TDRKH: variants seen among roughly 807,000 people sequenced by gnomAD.
TDRKH encodes tudor and KH domain-containing protein.
TDRKH carries 28 observed loss-of-function variants against 61.3 expected under a neutral mutation model. The ratio of observed to expected loss-of-function variants is 0.46; its 90% CI spans 0.34 to 0.63. The LOEUF is 0.63. TDRKH is among the 20% of genes least tolerant of loss of function. The pLI is 0.01. For synonymous variants in TDRKH, 219 were observed against 244.4 expected (o/e 0.90, Z 0.97); for missense variants, 540 against 683.4 (o/e 0.79, Z 2.34).
At chr1:151,777,758 C>T (rs1390827793) in intron 6 of TDRKH, among the ~76,000 whole-genome samples, 1 of 137,356 alleles carries the variant, frequency 7.3e-6, no homozygotes, top group Non-Finnish European at 1.5e-5. Flanking sequence ...CTCACTGTCA[C>T]CCAGGCTGGA....
downstream of TDRKH, chr1:151,767,095 G>A: frequency 6.3e-7 from 1 of 1,585,604 alleles, no homozygotes; most frequent in Non-Finnish European, 8.6e-7. Flanking sequence ...TCATGCCAGA[G>A]CCTGGTACTG....
intron 6 of TDRKH, 137 bp from the exon 7 acceptor site, chr1:151,776,736 T>A: frequency 1.1e-6 from 1 of 943,236 alleles, no homozygotes; most frequent in Non-Finnish European, 1.6e-6. Flanking sequence ...ACTGGATGAA[T>A]CAAACAAGAA....
downstream of TDRKH, among the ~76,000 whole-genome samples, chr1:151,773,169 C>G (rs754718443): frequency 6.6e-6 from 1 of 152,038 alleles, no homozygotes; most frequent in Non-Finnish European, 1.5e-5. Flanking sequence ...CAGCCTCCCA[C>G]GCAGCTGGGA....
intron 12 of TDRKH, 101 bp from the exon 13 acceptor site, chr1:151,774,605 G>T: frequency 6.4e-7 from 1 of 1,573,472 alleles, no homozygotes; most frequent in South Asian, 1.1e-5. Flanking sequence ...GGTACTCAAT[G>T]ACCTGACTAG....
chr1:151,790,119 CA>C lies in TDRKH; in HGVS notation c.-28+260del, dbSNP rs762833303. On this transcript the variant is annotated intron_variant, in intron 1 of 12. Transcript: ENST00000368824. Reference sequence around the variant, plus strand: ...TGGAAGAGTCTGAACTGACTCAGGGCAAACACAAACGCTCCCGCACCGGGTC... The same window carrying C: ...TGGAAGAGTCTGAACTGACTCAGGGCAACACAAACGCTCCCGCACCGGGTC... Among the ~76,000 whole-genome samples, 133 of 152,340 alleles carry C rather than the reference CA, an allele frequency of 8.7e-4. 2 individuals are homozygous for C. In the East Asian group the frequency reaches 0.015, roughly 17 times the overall value.
At position 151,790,496 on chromosome 1, in the gene TDRKH, T is replaced by C. The variant is rs908863544; in HGVS notation, c.-144A>G. The stretch of plus-strand genomic sequence containing the variant: ...CCGCCTCCCACTCACACCACCACAG[T>C]GAGCCCCGCCGGCGGCGCTTCAGCC... On this transcript the variant is annotated 5_prime_UTR_variant, in exon 1 of 13. Coordinates refer to ENST00000368824, the MANE Select transcript of TDRKH (RefSeq NM_001083965.2). 6.6e-6 allele frequency: 1 copy of C among 152,494 alleles called. No homozygotes were observed. Among genetic ancestry groups the C allele is most frequent in the African/African-American group, 2.4e-5 (1 of 41,434 alleles). 9.4% of individuals were successfully genotyped at this position (152,494 alleles called of 1,614,324 possible).
rs1648920191 is a variant in TDRKH, at chr1:151,774,083, G to A, written c.*369C>T. 9.3e-6 allele frequency: 2 copies of A among 216,208 alleles called. No homozygotes were observed. Among genetic ancestry groups the A allele is most frequent in the South Asian group, 1.6e-4 (2 of 12,262 alleles). 13.4% of individuals were successfully genotyped at this position (216,208 alleles called of 1,614,324 possible). On this transcript the variant is annotated 3_prime_UTR_variant, in exon 13 of 13. Transcript: ENST00000368824. Reference sequence around the variant, plus strand: ...ATGGGGGAGACACACTTGTAGCGTGGTAGTCCAATTTTTTTGTAGTCTGAT... The same window carrying A: ...ATGGGGGAGACACACTTGTAGCGTGATAGTCCAATTTTTTTGTAGTCTGAT...
intron 2 of TDRKH, among the ~76,000 whole-genome samples, chr1:151,782,362 G>T (rs1345822661): frequency 6.6e-6 from 1 of 152,030 alleles, no homozygotes; most frequent in African/African-American, 2.4e-5. Context: ...CAGGAGAACT[G>T]CTTGAACTCG....
Position 151,775,173 on chromosome 1 carries a change from A to T in TDRKH, c.1435-7T>A. ...CTAGCCCAATATCAAGTTTCTGAGA[A>T]GAAAAATGAAAAGGGAATGATGTTC... On this transcript the variant is annotated splice_region_variant and splice_polypyrimidine_tract_variant and intron_variant, in intron 10 of 12. Coordinates refer to ENST00000368824, the MANE Select transcript of TDRKH (RefSeq NM_001083965.2). The T allele has an allele frequency of 6.2e-7, 1 of 1,613,964 alleles. No individual in the cohort carries two copies. The highest frequency in any genetic ancestry group is 8.5e-7 in the Non-Finnish European group (1 of 1,179,896).
At chr1:151,770,446 G>A, downstream of TDRKH, 1 of 760,284 alleles carries the variant, frequency 1.3e-6, no homozygotes, top group Non-Finnish European at 2.0e-6. Flanking sequence ...TGGACTCTGA[G>A]GAAGCCCCTG....
At chr1:151,780,467 C>T (rs6587618) in intron 3 of TDRKH, among the ~76,000 whole-genome samples, 152,235 of 152,366 alleles carry the variant, frequency 1, 76,052 homozygotes, top group Non-Finnish European at 1. Flanking sequence ...TCTTGACATT[C>T]CAGCTGAACA....
downstream of TDRKH, chr1:151,771,353 G>C (rs1045431029): frequency 1.1e-5 from 16 of 1,484,848 alleles, no homozygotes; most frequent in African/African-American, 2.8e-5. Context: ...GGTTTCTTGG[G>C]GGGGTGGGTA....
chr1:151,787,883 G>A (rs557258337), intron 1 of TDRKH, among the ~76,000 whole-genome samples: 1 of 151,242 alleles, frequency 6.6e-6, no homozygotes, highest in East Asian at 2.0e-4. Context: ...CAGCTACTCA[G>A]GAGGCCGAGG....
At chr1:151,769,859 G>A (rs1468689046), downstream of TDRKH, among the ~76,000 whole-genome samples, 1 of 152,220 alleles carries the variant, frequency 6.6e-6, no homozygotes, top group African/African-American at 2.4e-5. Context: ...GATCACTCGT[G>A]GTTAGGAGCT....
chr1:151,788,181 C>A (rs1157964314), intron 1 of TDRKH, among the ~76,000 whole-genome samples: 2 of 152,162 alleles, frequency 1.3e-5, no homozygotes, highest in Non-Finnish European at 2.9e-5. Context: ...GTAGCTAGAA[C>A]CTTAAGGTTT....
intron 4 of TDRKH, 36 bp downstream of exon 4, chr1:151,779,915 A>C (rs756900804): frequency 1.3e-6 from 2 of 1,572,794 alleles, no homozygotes; most frequent in Non-Finnish European, 1.7e-6. Context: ...AAGGTAAAGA[A>C]TAAAGGAAAC....
At chr1:151,777,367 A>G (rs1313153306) in intron 6 of TDRKH, among the ~76,000 whole-genome samples, 1 of 152,026 alleles carries the variant, frequency 6.6e-6, no homozygotes, top group Non-Finnish European at 1.5e-5. Flanking sequence ...AATCACTCGA[A>G]CCTGGGAGGC....
At chr1:151,785,616 A>G (rs1175166730) in intron 1 of TDRKH, among the ~76,000 whole-genome samples, 2 of 152,188 alleles carry the variant, frequency 1.3e-5, no homozygotes, top group Admixed American at 6.5e-5. Context: ...AATCCCATAG[A>G]AGAGTACCCA....
At chr1:151,767,142 T>A, downstream of TDRKH, 1 of 1,613,194 alleles carries the variant, frequency 6.2e-7, no homozygotes. Context: ...ATAAACTAAT[T>A]TGGGTCTCTT....
Sources: allele counts gnomAD v4.1 joint callset (sites outside exome capture counted in the v4.1 genomes callset), GRCh38; gene constraint gnomAD v4.1.1; transcripts MANE v1.5; gene names NCBI Gene and HGNC (gene_info 2026-07-23, HGNC 2026-07-21).